THSD7B: variants seen among roughly 807,000 people sequenced by gnomAD.
THSD7B encodes the protein thrombospondin type 1 domain containing 7B, also known as thrombospondin type-1 domain-containing protein 7B.
THSD7B carries 138 observed loss-of-function variants against 213.6 expected under a neutral mutation model. The observed-to-expected ratio is 0.65, with a 90% CI of 0.56 to 0.74. The LOEUF (loss-of-function observed/expected upper bound fraction) is 0.74. Ranked by LOEUF, THSD7B falls within the 30% of genes least tolerant of loss-of-function variation. THSD7B has a pLI of 0.00. For missense variants in THSD7B, 1,931 were observed against 1,991.5 expected (o/e 0.97, Z 0.58); for synonymous variants, 742 against 687.0 (o/e 1.08, Z -1.25).
At chr2:137,451,138 G>A in intron 15 of THSD7B, 115 bp downstream of exon 15, 3 of 1,136,104 alleles carry the variant, frequency 2.6e-6, no homozygotes, top group Non-Finnish European at 3.5e-6. Context: ...TTATCACAAT[G>A]TCAGAAGAAG....
At chr2:136,843,842 G>A (rs138278130) in intron 1 of THSD7B, among the ~76,000 whole-genome samples, 72 of 152,304 alleles carry the variant, frequency 4.7e-4, no homozygotes, top group African/African-American at 1.6e-3. Flanking sequence ...GTGGGGTTCT[G>A]GGGGTACTCC....
intron 2 of THSD7B, among the ~76,000 whole-genome samples, chr2:137,050,236 GA>G (rs1219598601): frequency 3.3e-5 from 5 of 152,134 alleles, no homozygotes; most frequent in Non-Finnish European, 5.9e-5. Flanking sequence ...AGAATTTTTA[GA>G]AAGTAGCATT....
intron 3 of THSD7B, among the ~76,000 whole-genome samples, chr2:137,076,674 G>A (rs1687631645): frequency 6.6e-6 from 1 of 152,180 alleles, no homozygotes; most frequent in East Asian, 1.9e-4. Flanking sequence ...CCCATCTTCT[G>A]CGTCACTCAC....
Position 137,276,422 on chromosome 2 carries a change from T to G in THSD7B, c.2500+396T>G, listed in dbSNP as rs961128734. ...ATTTGTTGATGAATGAAAGAATAAC[T>G]GAATGAATTGACTAATCTTAATGAT... On this transcript the variant is annotated intron_variant, in intron 12 of 27. Transcript: ENST00000409968. Among the ~76,000 whole-genome samples the G allele has an allele frequency of 3.0e-4, 45 of 152,096 alleles. 1 individual carries two copies. Among genetic ancestry groups the G allele is most frequent in the Admixed American group, 3.0e-3 (45 of 15,238 alleles).
At chr2:136,938,671 C>G (rs566347127) in intron 2 of THSD7B, among the ~76,000 whole-genome samples, 26 of 152,264 alleles carry the variant, frequency 1.7e-4, no homozygotes, top group Admixed American at 6.5e-5. Context: ...TGTATTGAGG[C>G]ACATTTTCCC....
At chr2:136,935,519 A>G (rs1239209133) in intron 2 of THSD7B, among the ~76,000 whole-genome samples, 1 of 152,200 alleles carries the variant, frequency 6.6e-6, no homozygotes, top group Non-Finnish European at 1.5e-5. Flanking sequence ...TTCACCAATC[A>G]CTAGCTACTT....
chr2:137,263,262 AATAT>A (rs199954462), intron 10 of THSD7B, among the ~76,000 whole-genome samples: 1 of 151,030 alleles, frequency 6.6e-6, no homozygotes, highest in African/African-American at 2.4e-5. Context: ...CTATATATAT[AATAT>A]ATATATATAC....
At chr2:137,507,669 A>AT (rs1488176488) in intron 15 of THSD7B, among the ~76,000 whole-genome samples, 1 of 151,852 alleles carries the variant, frequency 6.6e-6, no homozygotes, top group Non-Finnish European at 1.5e-5. Context: ...GTTTAAATCC[A>AT]TTTTTTTCTG....
At chr2:136,785,960 C>T (rs1390582855) in intron 1 of THSD7B, among the ~76,000 whole-genome samples, 2 of 152,222 alleles carry the variant, frequency 1.3e-5, no homozygotes, top group Non-Finnish European at 2.9e-5. Context: ...TCCACGTCTC[C>T]CTTCCCTGCT....
chr2:137,622,936 C>A lies in THSD7B; in HGVS notation c.3799+2210C>A, dbSNP rs192320833. 3.9e-5 allele frequency among the ~76,000 whole-genome samples: 6 copies of A among 152,268 alleles called. 1 individual carries two copies. In the East Asian group the frequency reaches 1.2e-3, roughly 29 times the overall value. On this transcript the variant is annotated intron_variant, in intron 20 of 27. Coordinates refer to ENST00000409968, the MANE Select transcript of THSD7B (RefSeq NM_001316349.2). ...TGGTACCATTCCTTCTGAAACTATT[C>A]CAATCAATAGAAAAAGAGGAAATCC...
At chr2:137,122,098 T>G (rs2104944748) in intron 5 of THSD7B, among the ~76,000 whole-genome samples, 1 of 152,326 alleles carries the variant, frequency 6.6e-6, no homozygotes, top group Non-Finnish European at 1.5e-5. Flanking sequence ...AATGGGGGAT[T>G]TGCCCAGTAG....
At chr2:137,450,179 G>T (rs746234563) in intron 14 of THSD7B, among the ~76,000 whole-genome samples, 1 of 152,156 alleles carries the variant, frequency 6.6e-6, no homozygotes, top group African/African-American at 2.4e-5. Context: ...AGAGGTGATA[G>T]TTAAAACAGT....
intron 25 of THSD7B, among the ~76,000 whole-genome samples, chr2:137,662,090 C>T (rs1405144565): frequency 7.3e-6 from 1 of 136,642 alleles, no homozygotes; most frequent in Non-Finnish European, 1.5e-5. Context: ...GAGATGGAGT[C>T]TTGCTCAGTC....
Position 137,656,909 on chromosome 2 carries a change from C to G in THSD7B, c.4219C>G (p.Gln1407Glu), listed in dbSNP as rs1683246982. Residue 1407 changes from glutamine to glutamate, a missense_variant, in exon 23 of 28, where the codon CAG becomes GAG. Coordinates refer to ENST00000409968, the MANE Select transcript of THSD7B (RefSeq NM_001316349.2). ...GTCTAGATCAAGGACTTTTATAATTCAGTCTTTTGAGAACCAAGACAGCTG... is the reference window on the plus strand; with the variant it reads ...GTCTAGATCAAGGACTTTTATAATTGAGTCTTTTGAGAACCAAGACAGCTG... ...RQSRSRTFIIQSFENQDSCPQ... is the reference protein window; with the variant it reads ...RQSRSRTFIIESFENQDSCPQ... 6.2e-7 allele frequency: 1 copy of G among 1,613,922 alleles called. No individual in the cohort carries two copies. Among genetic ancestry groups the G allele is most frequent in the Admixed American group, 1.7e-5 (1 of 60,002 alleles).
chr2:137,231,222 A>G lies in THSD7B; in HGVS notation c.1902A>G (p.Ala634=). The change falls in exon 8 of 28, where the codon GCA becomes GCG. Residue 634 remains alanine (A), a synonymous_variant. Coordinates refer to ENST00000409968, the MANE Select transcript of THSD7B (RefSeq NM_001316349.2). ...GKQTRSRTIL[A]LAGEGGKPCP... ...AGACCAGGTCAAGAACTATCCTGGC[A>G]CTGGCTGGGGAAGGTGAGTAACAGA... The G allele has an allele frequency of 6.2e-7, 1 of 1,610,022 alleles. No homozygotes were observed. Among genetic ancestry groups the G allele is most frequent in the Non-Finnish European group, 8.5e-7 (1 of 1,177,784 alleles).
chr2:136,983,350 G>GACACACACAC (rs1440218135), intron 2 of THSD7B, among the ~76,000 whole-genome samples: 1 of 53,078 alleles, frequency 1.9e-5, no homozygotes, highest in East Asian at 1.4e-3. Flanking sequence ...CACACACACA[G>GACACACACAC]ACACACAGAC....
chr2:137,352,748 A>G (rs966213133), intron 12 of THSD7B, among the ~76,000 whole-genome samples: 18 of 152,068 alleles, frequency 1.2e-4, no homozygotes, highest in Non-Finnish European at 2.1e-4. Context: ...AGTGCTTCCC[A>G]AATTATAGTT....
intron 14 of THSD7B, among the ~76,000 whole-genome samples, chr2:137,430,164 T>C (rs1687144089): frequency 6.6e-6 from 1 of 152,076 alleles, no homozygotes; most frequent in African/African-American, 2.4e-5. Context: ...GGAGGACTAC[T>C]TGAGCCCAGG....
rs143987558 is a variant in THSD7B at position 137,589,345 on chromosome 2, A to T, written c.3423+16789A>T. On this transcript the variant is annotated intron_variant, in intron 17 of 27. Transcript: ENST00000409968. ...TTTTATAATCATGAAACATTTAAGCATGCAGAAACTACCCAGAATCATATA... is the reference window on the plus strand; with the variant it reads ...TTTTATAATCATGAAACATTTAAGCTTGCAGAAACTACCCAGAATCATATA... 4.0e-3 allele frequency among the ~76,000 whole-genome samples: 609 copies of T among 152,314 alleles called. 3 individuals carry two copies. Among genetic ancestry groups the T allele is most frequent in the Admixed American group, 7.4e-3 (114 of 15,304 alleles).
Sources: allele counts gnomAD v4.1 joint callset (sites outside exome capture counted in the v4.1 genomes callset), GRCh38; gene constraint gnomAD v4.1.1; transcripts MANE v1.5; gene names NCBI Gene and HGNC (gene_info 2026-07-23, HGNC 2026-07-21).